Variants in DPYD observed in about 807,000 individuals in gnomAD.
DPYD encodes the protein dihydropyrimidine dehydrogenase, also known as dihydropyrimidine dehydrogenase [NADP(+)].
Under a neutral mutation model 116.2 loss-of-function variants are expected in DPYD, and 109 were observed. That is an observed-to-expected ratio of 0.94 (90% confidence interval 0.80 to 1.10). The LOEUF (loss-of-function observed/expected upper bound fraction) is 1.10. Among genes scored for constraint, DPYD ranks in the 50% least tolerant of loss-of-function variants. The pLI is 0.00. For missense variants in DPYD, 1,302 were observed against 1,254.5 expected (o/e 1.04, Z -0.57); for synonymous variants, 440 against 432.0 (o/e 1.02, Z -0.23).
chr1:97,181,388 CA>C (rs1466099134), intron 20 of DPYD, among the ~76,000 whole-genome samples: 2 of 152,104 alleles, frequency 1.3e-5, no homozygotes, highest in African/African-American at 4.8e-5. Context: ...CTTTTGGCAA[CA>C]GCAGTAGACA....
intron 2 of DPYD, among the ~76,000 whole-genome samples, chr1:97,877,775 T>G (rs1027418425): frequency 1.3e-5 from 2 of 152,002 alleles, no homozygotes; most frequent in Admixed American, 6.6e-5. Context: ...AAATAAAAAT[T>G]CATATTGTGA....
At chr1:97,714,266 T>A (rs1228394746) in intron 5 of DPYD, among the ~76,000 whole-genome samples, 5 of 152,062 alleles carry the variant, frequency 3.3e-5, no homozygotes, top group African/African-American at 4.8e-5. Context: ...CAGGCTGGTG[T>A]GTAGTGGCGC....
chr1:97,287,913 C>T (rs1280405141), intron 18 of DPYD, among the ~76,000 whole-genome samples: 3 of 151,930 alleles, frequency 2.0e-5, no homozygotes, highest in Admixed American at 2.0e-4. Context: ...GAGTCAAGTC[C>T]CATCAGTGTG....
chr1:97,170,909 A>G (rs561545790), intron 20 of DPYD, among the ~76,000 whole-genome samples: 21 of 152,146 alleles, frequency 1.4e-4, no homozygotes, highest in African/African-American at 4.8e-4. Context: ...TCCTGACCTC[A>G]TGATCCACAA....
chr1:97,184,290 G>C (rs985461029), intron 20 of DPYD, among the ~76,000 whole-genome samples: 1 of 152,112 alleles, frequency 6.6e-6, no homozygotes, highest in Non-Finnish European at 1.5e-5. Flanking sequence ...TTGGCAATGG[G>C]ATTGCTGGGT....
At chr1:97,819,118 A>G (rs757923996) in intron 3 of DPYD, among the ~76,000 whole-genome samples, 7 of 151,970 alleles carry the variant, frequency 4.6e-5, no homozygotes, top group Non-Finnish European at 8.8e-5. Context: ...AGGTGGCATA[A>G]ACCAAATCAA....
chr1:97,425,841 T>G (rs2101712688), intron 14 of DPYD, among the ~76,000 whole-genome samples: 1 of 152,154 alleles, frequency 6.6e-6, no homozygotes, highest in South Asian at 2.1e-4. Flanking sequence ...GTTTGCATTT[T>G]AGCTGTACAA....
chr1:97,801,859 C>G (rs565418733), intron 3 of DPYD, among the ~76,000 whole-genome samples: 2 of 151,730 alleles, frequency 1.3e-5, no homozygotes, highest in South Asian at 4.2e-4. Context: ...TTCTGTAGTT[C>G]TTGTCTCAAT....
intron 13 of DPYD, among the ~76,000 whole-genome samples, chr1:97,460,927 C>T (rs1676981702): frequency 6.6e-6 from 1 of 151,804 alleles, no homozygotes; most frequent in African/African-American, 2.4e-5. Context: ...ATCCCAGCTA[C>T]TCGGGAGGCT....
chr1:97,165,938 A>G (rs1656291523), intron 20 of DPYD, among the ~76,000 whole-genome samples: 1 of 152,140 alleles, frequency 6.6e-6, no homozygotes, highest in African/African-American at 2.4e-5. Context: ...GACACTGGCC[A>G]AGTTGCAGAG....
At chr1:97,376,887 G>GTGTGTATATATATATATATATATA in intron 15 of DPYD, among the ~76,000 whole-genome samples, 3 of 128,450 alleles carry the variant, frequency 2.3e-5, no homozygotes, top group Non-Finnish European at 5.0e-5. Context: ...GTGTGTGTGT[G>GTGTGTATATATATATATATATATA]TATATATATA....
chr1:97,421,587 A>G (rs1674586655), intron 14 of DPYD, among the ~76,000 whole-genome samples: 2 of 152,152 alleles, frequency 1.3e-5, no homozygotes. Flanking sequence ...ACAGGTGACA[A>G]TAAATATTTG....
chr1:97,510,598 A>T (rs1647715164), intron 13 of DPYD, among the ~76,000 whole-genome samples: 1 of 151,920 alleles, frequency 6.6e-6, no homozygotes, highest in Non-Finnish European at 1.5e-5. Flanking sequence ...AGGGATGTGA[A>T]TTGCTCTAAT....
chr1:97,764,245 A>C (rs1406885308), intron 3 of DPYD, among the ~76,000 whole-genome samples: 1 of 152,082 alleles, frequency 6.6e-6, no homozygotes, highest in African/African-American at 2.4e-5. Flanking sequence ...ATAAAGAAGG[A>C]AACAAATTAT....
At chr1:97,632,207 T>C (rs2100796606) in intron 8 of DPYD, among the ~76,000 whole-genome samples, 1 of 152,230 alleles carries the variant, frequency 6.6e-6, no homozygotes, top group African/African-American at 2.4e-5. Flanking sequence ...TCTGGCTGGC[T>C]GCCATACTAA....
At chr1:97,821,407 C>T (rs1011774409) in intron 3 of DPYD, among the ~76,000 whole-genome samples, 22 of 149,634 alleles carry the variant, frequency 1.5e-4, no homozygotes, top group African/African-American at 5.4e-4. Context: ...GGATTTATCA[C>T]AGGGGCTAAA....
At chr1:97,544,056 T>C (rs1202151262) in intron 12 of DPYD, among the ~76,000 whole-genome samples, 1 of 152,182 alleles carries the variant, frequency 6.6e-6, no homozygotes, top group African/African-American at 2.4e-5. Flanking sequence ...GGCCTTTACC[T>C]TGAGTGTGAG....
intron 19 of DPYD, among the ~76,000 whole-genome samples, chr1:97,223,680 T>C (rs1218815624): frequency 6.6e-6 from 1 of 152,062 alleles, no homozygotes; most frequent in Non-Finnish European, 1.5e-5. Context: ...AGTCTGAGCT[T>C]TGGTTGTAAT....
intron 16 of DPYD, among the ~76,000 whole-genome samples, chr1:97,372,030 C>T (rs1178475575): frequency 6.6e-6 from 1 of 152,156 alleles, no homozygotes; most frequent in Non-Finnish European, 1.5e-5. Context: ...ACCTAAGACA[C>T]TTAATGGCTG....
Sources: gnomAD v4.1 joint callset for allele counts (sites outside exome capture counted in the v4.1 genomes callset) on GRCh38, gnomAD v4.1.1 for gene constraint, MANE v1.5 for transcripts, NCBI Gene and HGNC (gene_info 2026-07-23, HGNC 2026-07-21) for gene names.